The following GLT1D1 variants were observed in gnomAD, a reference collection of about 807,000 sequenced individuals.
GLT1D1 encodes the protein glycosyltransferase 1 domain-containing protein 1.
GLT1D1 carries 21 observed loss-of-function variants against 28.7 expected under a neutral mutation model. The ratio of observed to expected loss-of-function variants is 0.73; its 90% CI spans 0.52 to 1.05. The LOEUF (loss-of-function observed/expected upper bound fraction) is 1.05. GLT1D1 is among the 50% of genes least tolerant of loss of function. The pLI is 0.00. For synonymous variants in GLT1D1, 147 were observed against 124.8 expected, an observed-to-expected ratio of 1.18 and a Z score of -1.19; for missense variants, 343 against 330.6, an observed-to-expected ratio of 1.04 and a Z score of -0.29.
intron 2 of GLT1D1, among the ~76,000 whole-genome samples, chr12:128,879,462 T>TTTCTTTCTTTCTTTCTTTCTTTCTTTC (rs1555262493): frequency 1.2e-5 from 1 of 85,920 alleles, no homozygotes; most frequent in Non-Finnish European, 2.4e-5. Context: ...TTCTTTCTTT[T>TTTCTTTCTTTCTTTCTTTCTTTCTTTC]TTTTGGGGGG....
chr12:128,857,046 G>T (rs1029268364), intron 1 of GLT1D1, among the ~76,000 whole-genome samples: 1 of 152,160 alleles, frequency 6.6e-6, no homozygotes, highest in Non-Finnish European at 1.5e-5. Context: ...CAGGCAAAAA[G>T]GAAATATTAC....
intron 2 of GLT1D1, among the ~76,000 whole-genome samples, chr12:128,883,658 C>T (rs951807071): frequency 8.6e-5 from 13 of 151,886 alleles, no homozygotes; most frequent in African/African-American, 2.9e-4. Context: ...TTTTCTCAGC[C>T]GATTACTGGG....
intron 1 of GLT1D1, among the ~76,000 whole-genome samples, chr12:128,854,215 G>A (rs1210666211): frequency 1.3e-5 from 2 of 151,690 alleles, no homozygotes. Context: ...TTTACTTGTT[G>A]GTCTGTGTTC....
In GLT1D1 at chr12:128,894,707, G is replaced by A. The variant is rs575711721; in HGVS notation, c.324-4529G>A. Among the ~76,000 whole-genome samples the A allele has an allele frequency of 2.0e-3, 308 of 151,714 alleles. 1 individual carries two copies. Among genetic ancestry groups the A allele is most frequent in the Non-Finnish European group, 3.9e-3 (268 of 67,900 alleles). On this transcript the variant is annotated intron_variant, in intron 3 of 7. Coordinates refer to ENST00000281703, the MANE Select transcript of GLT1D1 (RefSeq NM_144669.3). ...AAAAATACAGAAAAAAAAATTAGCC[G>A]AGCATGGTGGTGCGTGCCTGTAATC...
chr12:128,869,553 A>T (rs36025282), intron 1 of GLT1D1, among the ~76,000 whole-genome samples: 12,960 of 152,080 alleles, frequency 0.085, 664 homozygotes, highest in African/African-American at 0.14. Context: ...AATACACATT[A>T]TAAATATGTG....
chr12:128,951,464 G>T (rs1876685130), intron 6 of GLT1D1, among the ~76,000 whole-genome samples: 1 of 152,136 alleles, frequency 6.6e-6, no homozygotes, highest in Non-Finnish European at 1.5e-5. Context: ...GGCAATTTTT[G>T]CTTGCCAGTT....
chr12:128,875,822 C>CAAAA, intron 1 of GLT1D1, 92 bp from the exon 2 acceptor site: 2 of 1,012,618 alleles, frequency 2.0e-6, no homozygotes, highest in Admixed American at 2.6e-5. Context: ...CAACAACAAC[C>CAAAA]AAAAAAAAAA....
intron 4 of GLT1D1, chr12:128,944,959 C>CA (rs1298498230): frequency 4.4e-5 from 24 of 549,418 alleles, no homozygotes; most frequent in South Asian, 1.6e-4. Flanking sequence ...CCCCCGACCC[C>CA]CAACAGGCCC....
intron 4 of GLT1D1, among the ~76,000 whole-genome samples, chr12:128,910,314 C>T (rs79857273): frequency 8.3e-6 from 1 of 119,882 alleles, no homozygotes; most frequent in African/African-American, 3.3e-5. Context: ...TTGACAGGAA[C>T]ATTTTGAGTT....
At chr12:128,930,207 ATTATC>A (rs1308059106) in intron 4 of GLT1D1, 1 of 152,204 alleles carries the variant, frequency 6.6e-6, no homozygotes, top group Non-Finnish European at 1.5e-5. Context: ...ACTTTTTAAA[ATTATC>A]TTGTCATTTT....
chr12:128,928,621 T>C (rs978328716), intron 4 of GLT1D1, among the ~76,000 whole-genome samples: 2 of 147,806 alleles, frequency 1.4e-5, no homozygotes, highest in African/African-American at 5.0e-5. Flanking sequence ...GGTTTTTTTT[T>C]TTCTTTCTTT....
chr12:128,983,767 G>A lies in GLT1D1; in HGVS notation c.*677G>A, dbSNP rs1475146758. The A allele has an allele frequency of 2.6e-5, 4 of 152,268 alleles. No homozygotes were observed. The highest frequency in any genetic ancestry group is 2.1e-4 in the South Asian group (1 of 4,834). The allele number at this position is 152,268 out of a possible 1,614,324, so 9.4% of individuals were successfully genotyped here. ...AAAACCAGGAAGGAACAAGCGCCAC[G>A]TCACGCATAGCCTGCAAATCGCCCG... On this transcript the variant is annotated 3_prime_UTR_variant, in exon 8 of 8. Coordinates refer to ENST00000281703, the MANE Select transcript of GLT1D1 (RefSeq NM_144669.3). This position sits in a 1 kb window ranked among gnomAD's most constrained non-coding sequence, Gnocchi z 4.7.
chr12:128,952,150 C>T (rs541390823), intron 6 of GLT1D1, among the ~76,000 whole-genome samples: 10 of 151,894 alleles, frequency 6.6e-5, no homozygotes, highest in Admixed American at 6.6e-5. Context: ...TTGTGAGGGA[C>T]GGAAAGAAGG....
At chr12:128,928,922 T>G (rs191259387) in intron 4 of GLT1D1, among the ~76,000 whole-genome samples, 3 of 152,022 alleles carry the variant, frequency 2.0e-5, no homozygotes, top group African/African-American at 7.2e-5. Flanking sequence ...GCACCCGGCC[T>G]CTTTGTGGGG....
chr12:128,858,481 G>A (rs1313026775), intron 1 of GLT1D1, among the ~76,000 whole-genome samples: 1 of 152,112 alleles, frequency 6.6e-6, no homozygotes, highest in Non-Finnish European at 1.5e-5. Flanking sequence ...AGACCATCCT[G>A]GCCAACATGG....
chr12:128,962,857 A>G (rs1395786748), intron 7 of GLT1D1, among the ~76,000 whole-genome samples: 1 of 151,984 alleles, frequency 6.6e-6, no homozygotes. Context: ...GTGCGCCACC[A>G]TGCCCTCTAA....
intron 4 of GLT1D1, among the ~76,000 whole-genome samples, chr12:128,901,299 T>C (rs1870227163): frequency 6.6e-6 from 1 of 152,128 alleles, no homozygotes. Flanking sequence ...ATTTTTTTTT[T>C]AGTAGAGATG....
At chr12:128,857,095 C>G (rs952075275) in intron 1 of GLT1D1, among the ~76,000 whole-genome samples, 1 of 152,202 alleles carries the variant, frequency 6.6e-6, no homozygotes, top group Non-Finnish European at 1.5e-5. Flanking sequence ...GAGCTGTAAA[C>G]CCACATCTTC....
At chr12:128,917,958 G>A (rs553940126) in intron 4 of GLT1D1, among the ~76,000 whole-genome samples, 2 of 152,286 alleles carry the variant, frequency 1.3e-5, no homozygotes, top group South Asian at 2.1e-4. Context: ...CCATTACTGG[G>A]TATATACCCA....
Sources: gnomAD v4.1 joint callset for allele counts (sites outside exome capture counted in the v4.1 genomes callset) on GRCh38, gnomAD v4.1.1 for gene constraint, Gnocchi (gnomAD v3.1) non-coding constraint, MANE v1.5 for transcripts, NCBI Gene and HGNC (gene_info 2026-07-23, HGNC 2026-07-21) for gene names.